Variants in ITGA1 observed in about 807,000 individuals in gnomAD.
ITGA1 encodes integrin subunit alpha 1, also known as integrin alpha-1.
In ITGA1, 85 loss-of-function variants were observed where a neutral mutation model predicts 145.9. The observed-to-expected ratio is 0.58, with a 90% CI of 0.49 to 0.70. ITGA1 has a LOEUF of 0.70. ITGA1 is among the 30% of genes least tolerant of loss of function. The probability of loss-of-function intolerance (pLI) is 0.00; values close to 1 mark genes in which losing one functional copy is unlikely to be tolerated. For synonymous variants in ITGA1, 520 were observed against 495.3 expected (o/e 1.05, Z -0.66); for missense variants, 1,351 against 1,418.7 (o/e 0.95, Z 0.77).
intron 8 of ITGA1, among the ~76,000 whole-genome samples, chr5:52,888,732 C>A (rs10940276): frequency 0.18 from 27,528 of 152,148 alleles, 2,512 homozygotes; most frequent in Admixed American, 0.24. Flanking sequence ...AAACAGCTTG[C>A]AGTTCTTCTC....
intron 6 of ITGA1, among the ~76,000 whole-genome samples, chr5:52,872,743 G>T (rs952791939): frequency 3.3e-5 from 5 of 151,886 alleles, no homozygotes; most frequent in Admixed American, 6.6e-5. Context: ...GAAGTGCTGT[G>T]CTCTTGTTAC....
chr5:52,842,802 C>T (rs1193079430), intron 1 of ITGA1, among the ~76,000 whole-genome samples: 1 of 151,786 alleles, frequency 6.6e-6, no homozygotes, highest in Non-Finnish European at 1.5e-5. Flanking sequence ...TCTCCTGCCT[C>T]AGCCTCCTGA....
Position 52,898,219 on chromosome 5 carries a change from C to G in ITGA1, c.1165-20C>G. On this transcript the variant is annotated intron_variant, in intron 10 of 28. Coordinates refer to ENST00000282588, the MANE Select transcript of ITGA1 (RefSeq NM_181501.2). ...TATTATTTTTATTAAATATTATTAT[C>G]TTATTTATTTGCATGTAAGGACTGG... 1 of 1,427,716 alleles carries G rather than the reference C, an allele frequency of 7.0e-7. No homozygotes were observed. Among genetic ancestry groups the G allele is most frequent in the Admixed American group, 2.7e-5 (1 of 36,858 alleles). 88.4% of individuals were successfully genotyped at this position (1,427,716 alleles called of 1,614,324 possible). A position where few individuals can be genotyped will look rare whatever the true frequency, so the allele number is the denominator to read the frequency against.
intron 3 of ITGA1, among the ~76,000 whole-genome samples, chr5:52,862,168 A>G (rs1749615888): frequency 1.3e-5 from 2 of 150,308 alleles, no homozygotes; most frequent in African/African-American, 4.9e-5. Context: ...TGTTAAGGCA[A>G]CATCACGCCA....
intron 15 of ITGA1, 35 bp downstream of exon 15, chr5:52,915,629 C>CT (rs781184187): frequency 6.2e-7 from 1 of 1,609,942 alleles, no homozygotes; most frequent in Non-Finnish European, 8.5e-7. Flanking sequence ...TAATCTGAGA[C>CT]TGGGTCACTT....
intron 8 of ITGA1, among the ~76,000 whole-genome samples, chr5:52,890,205 C>G (rs1750124235): frequency 6.6e-6 from 1 of 152,202 alleles, no homozygotes; most frequent in Admixed American, 6.5e-5. Context: ...TTTCTACATT[C>G]CTCAACCCTG....
In ITGA1 at chr5:52,952,580, A is replaced by G; in HGVS notation, c.*129A>G. On this transcript the variant is annotated 3_prime_UTR_variant, in exon 29 of 29. Coordinates refer to ENST00000282588, the MANE Select transcript of ITGA1 (RefSeq NM_181501.2). ...CTATGTAATCCATCAGGGATTCATT[A>G]CTTGGAAAATGACAGGTCATGCATT... The G allele has an allele frequency of 2.5e-6, 1 of 407,474 alleles. No individual in the cohort carries two copies. Among genetic ancestry groups the G allele is most frequent in the South Asian group, 5.8e-5 (1 of 17,222 alleles). 25.2% of individuals were successfully genotyped at this position (407,474 alleles called of 1,614,324 possible). A position where few individuals can be genotyped will look rare whatever the true frequency, so the allele number is the denominator to read the frequency against.
At chr5:52,839,186 A>G (rs141470708) in intron 1 of ITGA1, among the ~76,000 whole-genome samples, 105 of 152,320 alleles carry the variant, frequency 6.9e-4, no homozygotes, top group African/African-American at 2.4e-3. Flanking sequence ...CTAAGTGAAG[A>G]ATACCTGTTA....
chr5:52,899,670 C>T (rs1338739330), intron 11 of ITGA1, among the ~76,000 whole-genome samples: 2 of 152,176 alleles, frequency 1.3e-5, no homozygotes, highest in Admixed American at 1.3e-4. Context: ...ACAAGTCTCA[C>T]TCTCTCGAAA....
chr5:52,821,802 A>G (rs1224719103), intron 1 of ITGA1, among the ~76,000 whole-genome samples: 1 of 152,206 alleles, frequency 6.6e-6, no homozygotes, highest in Non-Finnish European at 1.5e-5. Context: ...AGAATTTATT[A>G]GGAATCTAAA....
rs757592424 is a variant in ITGA1, at chr5:52,956,575, A to C, written c.*4124A>C. 3 of 152,190 alleles carry C rather than the reference A, an allele frequency of 2.0e-5. No homozygotes were observed. Among genetic ancestry groups the C allele is most frequent in the Non-Finnish European group, 4.4e-5 (3 of 68,058 alleles). 9.4% of individuals were successfully genotyped at this position (152,190 alleles called of 1,614,324 possible). ...GTGTTCTAAAGGGTTCACATAGTAT[A>C]ATGGAGGAGGGACAAAGCAGAATAT... On this transcript the variant is annotated 3_prime_UTR_variant, in exon 29 of 29. Transcript: ENST00000282588.
intron 1 of ITGA1, among the ~76,000 whole-genome samples, chr5:52,814,195 G>A (rs746520329): frequency 7.2e-5 from 11 of 152,272 alleles, no homozygotes; most frequent in South Asian, 2.1e-4. Context: ...CACCCAGGCT[G>A]GAGTGCAGTG....
chr5:52,950,745 A>G (rs1335668423), intron 28 of ITGA1, among the ~76,000 whole-genome samples: 1 of 152,234 alleles, frequency 6.6e-6, no homozygotes, highest in Non-Finnish European at 1.5e-5. Context: ...TTTAATGTGT[A>G]GAAGCCAAGG....
In ITGA1 at chr5:52,953,971, A is replaced by G. The variant is rs1356677083; in HGVS notation, c.*1520A>G. The G allele has an allele frequency of 1.2e-4, 19 of 152,172 alleles. No individual in the cohort carries two copies. Among genetic ancestry groups the G allele is most frequent in the Admixed American group, 1.2e-3 (19 of 15,278 alleles). The allele number at this position is 152,172 out of a possible 1,614,324, so 9.4% of individuals were successfully genotyped here. A position where few individuals can be genotyped will look rare whatever the true frequency, so the allele number is the denominator to read the frequency against. Reference sequence around the variant, plus strand: ...AATTTATTTTTTTAAACTAATTTCCAAAGAATTTAGCTGAAGACTCAGAGT... The same window carrying G: ...AATTTATTTTTTTAAACTAATTTCCGAAGAATTTAGCTGAAGACTCAGAGT... On this transcript the variant is annotated 3_prime_UTR_variant, in exon 29 of 29. Coordinates refer to ENST00000282588, the MANE Select transcript of ITGA1 (RefSeq NM_181501.2).
chr5:52,925,682 C>A (rs1750795223), intron 19 of ITGA1, among the ~76,000 whole-genome samples, 195 bp downstream of exon 19: 1 of 152,100 alleles, frequency 6.6e-6, no homozygotes, highest in Admixed American at 6.6e-5. Context: ...ATATGTATGT[C>A]TTTTCTTAGA....
At chr5:52,867,932 C>T (rs1450201771) in intron 6 of ITGA1, among the ~76,000 whole-genome samples, 1 of 152,054 alleles carries the variant, frequency 6.6e-6, no homozygotes, top group Middle Eastern at 3.4e-3. Context: ...GATTTCAATC[C>T]TTTTCTATTT....
intron 7 of ITGA1, among the ~76,000 whole-genome samples, chr5:52,883,958 T>C (rs2456203): frequency 0.2 from 30,049 of 152,094 alleles, 3,120 homozygotes; most frequent in South Asian, 0.28. Flanking sequence ...GAAAGGCCTT[T>C]TAATCATCTC....
intron 9 of ITGA1, among the ~76,000 whole-genome samples, chr5:52,895,384 C>T (rs183805205): frequency 2.8e-4 from 42 of 152,220 alleles, no homozygotes; most frequent in East Asian, 1.5e-3. Flanking sequence ...ACAGCTCTCC[C>T]GGTGTCATTT....
intron 1 of ITGA1, among the ~76,000 whole-genome samples, chr5:52,833,571 T>G (rs1163179784): frequency 1.3e-4 from 20 of 152,208 alleles, no homozygotes; most frequent in Admixed American, 1.3e-3. Flanking sequence ...TTGCTCTTGC[T>G]AGAGTTAAGA....
Sources: allele counts gnomAD v4.1 joint callset (sites outside exome capture counted in the v4.1 genomes callset), GRCh38; gene constraint gnomAD v4.1.1; transcripts MANE v1.5; gene names NCBI Gene and HGNC (gene_info 2026-07-23, HGNC 2026-07-21).